Variants in NOL6 observed in about 807,000 individuals in gnomAD.
The protein encoded by NOL6 is nucleolar protein 6, also known as nucleolar RNA-associated protein.
NOL6 carries 33 observed loss-of-function variants against 131.7 expected under a neutral mutation model. That is an observed-to-expected ratio of 0.25 (90% confidence interval 0.19 to 0.33). The LOEUF is 0.33. Ranked by LOEUF, NOL6 falls within the 10% of genes least tolerant of loss-of-function variation. The pLI is 1.00. For missense variants in NOL6, 1,297 were observed against 1,494.5 expected, an observed-to-expected ratio of 0.87 and a Z score of 2.18; for synonymous variants, 580 against 605.7, an observed-to-expected ratio of 0.96 and a Z score of 0.62.
At position 33,463,324 on chromosome 9, in the gene NOL6, G is replaced by C. The variant is rs773104111; in HGVS notation, c.3112C>G (p.Leu1038Val). The C allele has an allele frequency of 3.7e-6, 6 of 1,614,126 alleles. No individual in the cohort carries two copies. Among genetic ancestry groups the C allele is most frequent in the Non-Finnish European group, 5.1e-6 (6 of 1,180,002 alleles). Residue 1038 changes from leucine (L) to valine (V), a missense_variant, in exon 24 of 26, where the codon CTC (leucine) becomes GTC (valine). By Grantham distance (32) the Leu-to-Val change is conservative (BLOSUM62 1). Coordinates refer to ENST00000297990, the MANE Select transcript of NOL6 (RefSeq NM_022917.5). ...AGGGATGAGGGCCCCGGCTGGCTGAGCAGGCCCCGGCAGAAGGAGGCAGCT... is the reference window on the plus strand; with the variant it reads ...AGGGATGAGGGCCCCGGCTGGCTGACCAGGCCCCGGCAGAAGGAGGCAGCT... ...SPAASFCRGL[L>V]SQPGPSSLMP...
At position 33,466,647 on chromosome 9, in the gene NOL6, G is replaced by A. The variant is rs775935258; in HGVS notation, c.2013C>T (p.Arg671=). 9 of 1,614,030 alleles carry A rather than the reference G, an allele frequency of 5.6e-6. No individual in the cohort carries two copies. Among genetic ancestry groups the A allele is most frequent in the Non-Finnish European group, 6.8e-6 (8 of 1,180,026 alleles). The change falls in exon 16 of 26, where the codon CGC becomes CGT. Residue 671 remains arginine (R), a synonymous_variant. Coordinates refer to ENST00000297990, the MANE Select transcript of NOL6 (RefSeq NM_022917.5). The part of the protein sequence containing the change: ...AAVRCYDDLS[R]LLWGLEGLPL... ...GGAGACCCTCTAGCCCCCACAGTAGGCGACTGAGGTCGTCGTAGCAACGTA... is the reference window on the plus strand; with the variant it reads ...GGAGACCCTCTAGCCCCCACAGTAGACGACTGAGGTCGTCGTAGCAACGTA...
intron 3 of NOL6, 55 bp from the exon 4 acceptor site, chr9:33,470,246 C>T (rs1441826814): frequency 2.2e-6 from 3 of 1,390,204 alleles, no homozygotes; most frequent in Non-Finnish European, 2.9e-6. Flanking sequence ...CTCACATGTA[C>T]CCTTTATGTC....
chr9:33,467,326 G>A lies in NOL6; in HGVS notation c.1726-64C>T. ...GGGCTCTGTGGACCCTCCCCAACAA[G>A]CTTCAGTCCAGGTGCCATGAGGACG... On this transcript the variant is annotated intron_variant, in intron 13 of 25. Coordinates refer to ENST00000297990, the MANE Select transcript of NOL6 (RefSeq NM_022917.5). This position sits in a 1 kb window ranked among gnomAD's most constrained non-coding sequence, Gnocchi z 4.4. The A allele has an allele frequency of 6.2e-7, 1 of 1,609,948 alleles. No homozygotes were observed. The highest frequency in any genetic ancestry group is 8.5e-7 in the Non-Finnish European group (1 of 1,176,568).
In NOL6 at chr9:33,466,937, T is replaced by G; in HGVS notation, c.1925A>C (p.Asp642Ala). 1 of 1,614,102 alleles carries G rather than the reference T, an allele frequency of 6.2e-7. No homozygotes were observed. Among genetic ancestry groups the G allele is most frequent in the Non-Finnish European group, 8.5e-7 (1 of 1,180,020 alleles). The change falls in exon 15 of 26, where the codon GAT becomes GCT. Residue 642 changes from aspartate to alanine, a missense_variant. Asp to Ala is a moderately radical substitution (Grantham distance 126, BLOSUM62 -2). Transcript: ENST00000297990. Reference protein sequence around the residue: ...TCVHYVGGPLDALIQGLKETS... With the variant: ...TCVHYVGGPLAALIQGLKETS... ...CTCTTTCAGGCCTTGGATAAGTGCA[T>G]CCAGGGGGCCCCCCACATAGTGGAC... is the stretch of plus-strand genomic sequence containing the variant.
At position 33,469,275 on chromosome 9, in the gene NOL6, C is replaced by T. The variant is rs1780155890; in HGVS notation, c.794G>A (p.Cys265Tyr). 6.2e-7 allele frequency: 1 copy of T among 1,614,190 alleles called. No individual in the cohort carries two copies. Among genetic ancestry groups the T allele is most frequent in the Non-Finnish European group, 8.5e-7 (1 of 1,180,038 alleles). The change falls in exon 6 of 26, where the codon TGC (cysteine) becomes TAC (tyrosine). Residue 265 changes from cysteine to tyrosine, a missense_variant. Physicochemically the swap from Cys to Tyr is radical, Grantham distance 194 (BLOSUM62 -2). Transcript: ENST00000297990. ...PCPPPDFFRP[C>Y]RLLPTKNNVR... is the part of the protein sequence containing the mutation. ...ATTGTTCTTGGTTGGCAGCAAGCGG[C>T]ACGGGCGGAAGAAGTCAGGTGGAGG...
At position 33,464,152 on chromosome 9, in the gene NOL6, T is replaced by C. The variant is rs1274766111; in HGVS notation, c.2789A>G (p.Gln930Arg). ...CAGGAAGCCACTGCGGATCTCCACCTGCTCCTCCACTAGAGACAAGAATGG... is the reference window on the plus strand; with the variant it reads ...CAGGAAGCCACTGCGGATCTCCACCCGCTCCTCCACTAGAGACAAGAATGG... ...NLNNELTVEE[Q>R]VEIRSGFLAA... Residue 930 changes from glutamine (Q) to arginine (R), a missense_variant, in exon 22 of 26, where the codon CAG becomes CGG. By Grantham distance (43) the Gln-to-Arg change is conservative. Transcript: ENST00000297990. 6.2e-7 allele frequency: 1 copy of C among 1,608,808 alleles called. No homozygotes were observed. Among genetic ancestry groups the C allele is most frequent in the South Asian group, 1.1e-5 (1 of 89,912 alleles).
At chr9:33,470,699 T>C (rs946001744) in intron 3 of NOL6, 3 of 147,752 alleles carry the variant, frequency 2.0e-5, no homozygotes, top group Non-Finnish European at 4.5e-5. Context: ...AAAAAAAGAA[T>C]ACCCATTTTA....
chr9:33,467,699 C>A lies in NOL6; in HGVS notation c.1594G>T (p.Val532Phe). 1.3e-6 allele frequency: 2 copies of A among 1,564,566 alleles called. No individual in the cohort carries two copies. Among genetic ancestry groups the A allele is most frequent in the Non-Finnish European group, 1.7e-6 (2 of 1,157,172 alleles). ...AACCTACACCACCTCACCTCTGGGA[C>A]TGGGGGTCGAGAGTGAGCCAGCAGG... ...LNLLAHSRPP[V>F]PEWDISQDPP... The change falls in exon 12 of 26, where the codon GTC becomes TTC. Residue 532 changes from valine to phenylalanine, a missense_variant. Val to Phe is a conservative substitution (Grantham distance 50). Coordinates refer to ENST00000297990, the MANE Select transcript of NOL6 (RefSeq NM_022917.5). The surrounding 1 kb of genome is among the most constrained non-coding windows in gnomAD (Gnocchi z 4.4).
Position 33,468,761 on chromosome 9 carries a change from G to C in NOL6, c.1138C>G (p.Gln380Glu), listed in dbSNP as rs1827322672. The C allele has an allele frequency of 6.2e-7, 1 of 1,614,162 alleles. No individual in the cohort carries two copies. The highest frequency in any genetic ancestry group is 8.5e-7 in the Non-Finnish European group (1 of 1,180,036). The change falls in exon 8 of 26, where the codon CAG (glutamine) becomes GAG (glutamate). Residue 380 changes from glutamine to glutamate, a missense_variant. Transcript: ENST00000297990. ...SGYQVLRSVL[Q>E]FLATTDLTVN... Reference sequence around the variant, plus strand: ...CACCTAGTTGCCTCACCCAGAAACTGCAAGACACTTCTCAGGACCTGGTAG... The same window carrying C: ...CACCTAGTTGCCTCACCCAGAAACTCCAAGACACTTCTCAGGACCTGGTAG...
In NOL6 at chr9:33,463,257, G is replaced by C. The variant is rs116537880; in HGVS notation, c.3179C>G (p.Thr1060Arg). ...LGYDPPQLYL[T>R]QLREAFGDLA... is the part of the protein sequence containing the mutation. ...CTGTTTAGGACCAACCCTGAGCTGC[G>C]TCAGATAGAGCTGAGGAGGATCATA... is the stretch of plus-strand genomic sequence containing the variant. Residue 1060 changes from threonine to arginine, a missense_variant, in exon 24 of 26, where the codon ACG becomes AGG. Coordinates refer to ENST00000297990, the MANE Select transcript of NOL6 (RefSeq NM_022917.5). The C allele has an allele frequency of 4.3e-6, 7 of 1,613,344 alleles. No homozygotes were observed. The African/African-American group carries it at 9.3e-5, about 22-fold the overall frequency.
At chr9:33,473,145 A>G (rs1215051864) in intron 1 of NOL6, among the ~76,000 whole-genome samples, 1 of 151,936 alleles carries the variant, frequency 6.6e-6, no homozygotes, top group African/African-American at 2.4e-5. Flanking sequence ...GGAAGACCTG[A>G]CTGCCTCAGT....
chr9:33,467,141 T>A lies in NOL6; in HGVS notation c.1847A>T (p.His616Leu), dbSNP rs1297997648. The A allele has an allele frequency of 1.2e-6, 2 of 1,614,112 alleles. No individual in the cohort carries two copies. The highest frequency in any genetic ancestry group is 2.7e-5 in the African/African-American group (2 of 75,026). ...TGCCAAGAGGTGGGTGACCACCTGG[T>A]GGGGAATAAGGCGCTTCTGGGACAT... ...ASMSQKRLIP[H>L]QVVTHLLALH... Residue 616 changes from histidine to leucine, a missense_variant, in exon 14 of 26, where the codon CAC (histidine) becomes CTC (leucine). Coordinates refer to ENST00000297990, the MANE Select transcript of NOL6 (RefSeq NM_022917.5). This position sits in a 1 kb window ranked among gnomAD's most constrained non-coding sequence, Gnocchi z 4.4.
intron 1 of NOL6, chr9:33,472,801 C>T (rs749492433): frequency 3.7e-5 from 10 of 271,146 alleles, no homozygotes; most frequent in Non-Finnish European, 5.1e-5. Context: ...GGGGAAACTC[C>T]GTCTCTATTA....
Position 33,467,143 on chromosome 9 carries a change from G to T in NOL6, c.1845C>A (p.Pro615=). The change falls in exon 14 of 26, where the codon CCC becomes CCA. Residue 615 remains proline (P), a synonymous_variant. Transcript: ENST00000297990. The surrounding 1 kb of genome is among the most constrained non-coding windows in gnomAD (Gnocchi z 4.4). ...AASMSQKRLI[P]HQVVTHLLAL... Reference sequence around the variant, plus strand: ...CCAAGAGGTGGGTGACCACCTGGTGGGGAATAAGGCGCTTCTGGGACATAG... The same window carrying T: ...CCAAGAGGTGGGTGACCACCTGGTGTGGAATAAGGCGCTTCTGGGACATAG... 3 of 1,614,220 alleles carry T rather than the reference G, an allele frequency of 1.9e-6. No individual in the cohort carries two copies. Among genetic ancestry groups the T allele is most frequent in the Non-Finnish European group, 8.5e-7 (1 of 1,180,044 alleles).
intron 10 of NOL6, 76 bp from the exon 11 acceptor site, chr9:33,468,221 T>A: frequency 6.2e-7 from 1 of 1,610,672 alleles, no homozygotes; most frequent in Non-Finnish European, 8.5e-7. Flanking sequence ...GCCCTAAACT[T>A]AACTCTTTGA....
At position 33,461,394 on chromosome 9, in the gene NOL6, C is replaced by A. The variant is rs1428106999; in HGVS notation, c.*1270G>T. On this transcript the variant is annotated 3_prime_UTR_variant, in exon 26 of 26. Coordinates refer to ENST00000297990, the MANE Select transcript of NOL6 (RefSeq NM_022917.5). ...TTCTTGCCCTCAAGGAGTTTACATA[C>A]AAGAAACCAGGTTAAAATTATGTGA... The A allele has an allele frequency of 6.6e-6, 1 of 152,188 alleles. No homozygotes were observed. The highest frequency in any genetic ancestry group is 1.5e-5 in the Non-Finnish European group (1 of 68,068). 9.4% of individuals were successfully genotyped at this position (152,188 alleles called of 1,614,324 possible).
At position 33,472,294 on chromosome 9, in the gene NOL6, G is replaced by C; in HGVS notation, c.173C>G (p.Ala58Gly). The C allele has an allele frequency of 6.2e-7, 1 of 1,614,208 alleles. No homozygotes were observed. Among genetic ancestry groups the C allele is most frequent in the South Asian group, 1.1e-5 (1 of 91,086 alleles). ...ATTGGTAGGCTCCTTGTACAGTTCT[G>C]CCCTGCTGAGCTTCACTGGCTGCAG... is the stretch of plus-strand genomic sequence containing the variant. ...GLLQPVKLSR[A>G]ELYKEPTNEE... The change falls in exon 2 of 26, where the codon GCA becomes GGA. Residue 58 changes from alanine to glycine, a missense_variant. Physicochemically the swap from Ala to Gly is moderately conservative, Grantham distance 60. Transcript: ENST00000297990.
Position 33,466,943 on chromosome 9 carries a change from G to A in NOL6, c.1919C>T (p.Pro640Leu). 6.2e-7 allele frequency: 1 copy of A among 1,614,192 alleles called. No homozygotes were observed. Among genetic ancestry groups the A allele is most frequent in the Non-Finnish European group, 8.5e-7 (1 of 1,180,042 alleles). ...PETCVHYVGG[P>L]LDALIQGLKE... is the part of the protein sequence containing the mutation. ...CAGGCCTTGGATAAGTGCATCCAGG[G>A]GGCCCCCCACATAGTGGACACAGGT... The change falls in exon 15 of 26, where the codon CCC becomes CTC. Residue 640 changes from proline (P) to leucine (L), a missense_variant. Transcript: ENST00000297990.
In NOL6 at chr9:33,467,608, A is replaced by C. The variant is rs1049878200; in HGVS notation, c.1602+83T>G. 2 of 1,573,116 alleles carry C rather than the reference A, an allele frequency of 1.3e-6. No individual in the cohort carries two copies. Among genetic ancestry groups the C allele is most frequent in the Non-Finnish European group, 1.7e-6 (2 of 1,157,564 alleles). ...TAGCTAGCTAGAAACGCCTAGCTGGAGGAATGGTGTGTCCTTTGTGTCTCT... is the reference window on the plus strand; with the variant it reads ...TAGCTAGCTAGAAACGCCTAGCTGGCGGAATGGTGTGTCCTTTGTGTCTCT... On this transcript the variant is annotated intron_variant, in intron 12 of 25. Coordinates refer to ENST00000297990, the MANE Select transcript of NOL6 (RefSeq NM_022917.5). This position sits in a 1 kb window ranked among gnomAD's most constrained non-coding sequence, Gnocchi z 4.4.
Sources: allele counts gnomAD v4.1 joint callset (sites outside exome capture counted in the v4.1 genomes callset), GRCh38; gene constraint gnomAD v4.1.1; non-coding constraint Gnocchi (gnomAD v3.1); transcripts MANE v1.5; gene names NCBI Gene and HGNC (gene_info 2026-07-23, HGNC 2026-07-21).